Variants in UPP2 observed in about 807,000 individuals in gnomAD.
UPP2 encodes UPase 2.
UPP2 carries 23 observed loss-of-function variants against 26.7 expected under a neutral mutation model. The observed-to-expected ratio is 0.86, with a 90% CI of 0.62 to 1.22. The LOEUF (loss-of-function observed/expected upper bound fraction) is 1.22. Among genes scored for constraint, UPP2 ranks in the 50% most tolerant of loss-of-function variants. The pLI is 0.00. For missense variants in UPP2, 387 were observed against 396.7 expected (o/e 0.98, Z 0.21); for synonymous variants, 127 against 141.3 (o/e 0.90, Z 0.72).
intron 3 of UPP2, among the ~76,000 whole-genome samples, chr2:158,063,768 C>G (rs532743695): frequency 9.9e-5 from 15 of 152,160 alleles, no homozygotes; most frequent in Non-Finnish European, 2.2e-4. Flanking sequence ...CCCGACAGGT[C>G]TTGGCGTGTG....
chr2:158,054,193 G>A (rs961571816), intron 3 of UPP2, among the ~76,000 whole-genome samples: 1 of 152,060 alleles, frequency 6.6e-6, no homozygotes, highest in African/African-American at 2.4e-5. Context: ...ACCTGGGGGA[G>A]GTTGCAATGA....
chr2:158,104,702 G>C (rs1020832598), intron 1 of UPP2, among the ~76,000 whole-genome samples: 3 of 151,882 alleles, frequency 2.0e-5, no homozygotes, highest in Non-Finnish European at 4.4e-5. Context: ...TGGGTGGATC[G>C]CTTGAGGTCA....
chr2:158,042,774 G>T (rs1684098859), intron 3 of UPP2, among the ~76,000 whole-genome samples: 1 of 152,164 alleles, frequency 6.6e-6, no homozygotes, highest in Admixed American at 6.5e-5. Context: ...GGTGGCAGAG[G>T]GGAAGCAGAG....
intron 3 of UPP2, among the ~76,000 whole-genome samples, chr2:158,029,503 G>A (rs1250060799): frequency 6.6e-6 from 1 of 152,166 alleles, no homozygotes; most frequent in East Asian, 1.9e-4. Context: ...TATGGTGAAT[G>A]CCTTGACAAG....
intron 3 of UPP2, among the ~76,000 whole-genome samples, chr2:158,047,420 C>T (rs1180488980): frequency 6.6e-6 from 1 of 152,196 alleles, no homozygotes; most frequent in Non-Finnish European, 1.5e-5. Flanking sequence ...TGAGTTTAAA[C>T]CTGCCTTTTT....
At chr2:158,017,014 A>G (rs946897746) in intron 3 of UPP2, among the ~76,000 whole-genome samples, 1 of 152,224 alleles carries the variant, frequency 6.6e-6, no homozygotes, top group African/African-American at 2.4e-5. Flanking sequence ...GTAATAAATA[A>G]AAGGAATGGG....
At chr2:158,011,088 G>A (rs1040317986) in intron 2 of UPP2, among the ~76,000 whole-genome samples, 1 of 152,078 alleles carries the variant, frequency 6.6e-6, no homozygotes, top group African/African-American at 2.4e-5. Context: ...TCTTAATAAA[G>A]CTTCTGATCT....
intron 3 of UPP2, among the ~76,000 whole-genome samples, chr2:158,041,496 ACT>A (rs1684081039): frequency 6.6e-6 from 1 of 152,094 alleles, no homozygotes; most frequent in Non-Finnish European, 1.5e-5. Flanking sequence ...TATTCAGATC[ACT>A]CTCTTTTGAA....
At chr2:158,128,344 G>T (rs911713878) in intron 6 of UPP2, among the ~76,000 whole-genome samples, 3 of 152,192 alleles carry the variant, frequency 2.0e-5, no homozygotes, top group East Asian at 3.9e-4. Flanking sequence ...TCCCAACAAT[G>T]AAGGATATTG....
At chr2:158,023,230 T>TGTGG (rs1553463650) in intron 3 of UPP2, among the ~76,000 whole-genome samples, 12 of 83,754 alleles carry the variant, frequency 1.4e-4, no homozygotes, top group Non-Finnish European at 2.7e-4. Context: ...TGCTGTCAGT[T>TGTGG]GGGGGGGGGC....
At chr2:158,131,303 C>T (rs1342438235) in intron 6 of UPP2, among the ~76,000 whole-genome samples, 1 of 152,122 alleles carries the variant, frequency 6.6e-6, no homozygotes, top group East Asian at 1.9e-4. Context: ...TGTGCCCAGC[C>T]CTGCTATCTT....
At chr2:158,132,818 C>T (rs1022203295) in intron 6 of UPP2, among the ~76,000 whole-genome samples, 7 of 151,938 alleles carry the variant, frequency 4.6e-5, no homozygotes, top group East Asian at 1.9e-4. Flanking sequence ...AAAACAATGG[C>T]GAGGTGTCGC....
chr2:158,106,175 A>G lies in UPP2; in HGVS notation c.139A>G (p.Thr47Ala), dbSNP rs550400219. The change falls in exon 2 of 7, where the codon ACA becomes GCA. Residue 47 changes from threonine to alanine, a missense_variant. Thr to Ala is a moderately conservative substitution (Grantham distance 58). Transcript: ENST00000005756. ...EDILYHLDLG[T>A]KTHNLPAMFG... ...CATTCTCTATCACTTGGATTTGGGA[A>G]CAAAAACACACAACCTACCAGCAAT... is the stretch of plus-strand genomic sequence containing the variant. 2 of 1,612,972 alleles carry G rather than the reference A, an allele frequency of 1.2e-6. No homozygotes were observed. Among genetic ancestry groups the G allele is most frequent in the Admixed American group, 3.3e-5 (2 of 59,816 alleles).
At chr2:158,024,736 T>G (rs1377998465) in intron 3 of UPP2, among the ~76,000 whole-genome samples, 2 of 152,160 alleles carry the variant, frequency 1.3e-5, no homozygotes, top group Non-Finnish European at 2.9e-5. Context: ...AAAAATCTGT[T>G]TGAGAAAAAG....
intron 2 of UPP2, among the ~76,000 whole-genome samples, chr2:158,000,190 C>T (rs57093404): frequency 6.6e-6 from 1 of 151,726 alleles, no homozygotes; most frequent in African/African-American, 2.4e-5. Context: ...TCAAGTGATT[C>T]TCCTGCCTCT....
At chr2:158,095,975 T>C (rs1682979075) in intron 3 of UPP2, among the ~76,000 whole-genome samples, 1 of 152,140 alleles carries the variant, frequency 6.6e-6, no homozygotes, top group Non-Finnish European at 1.5e-5. Context: ...TTCTCAAACA[T>C]CATTAAGAAC....
chr2:158,113,200 A>T (rs1683355710), intron 2 of UPP2, among the ~76,000 whole-genome samples: 1 of 152,246 alleles, frequency 6.6e-6, no homozygotes, highest in African/African-American at 2.4e-5. Context: ...TCAAAGGAGA[A>T]TTCAAACCAC....
At position 158,077,482 on chromosome 2, in the gene UPP2, T is replaced by C. The variant is rs1244458824; in HGVS notation, c.148-24558T>C. ...GGAACAGAATAAAGAACCCAGAAAC[T>C]AATCCATACACTTACAGTGAACTCA... On this transcript the variant is annotated intron_variant, in intron 3 of 9. Coordinates refer to the UPP2 transcript ENST00000605860. Among the ~76,000 whole-genome samples, 4 of 151,826 alleles carry C rather than the reference T, an allele frequency of 2.6e-5. No individual in the cohort carries two copies. The East Asian group carries it at 7.7e-4, about 29-fold the overall frequency.
chr2:158,011,455 G>A (rs114512380), intron 2 of UPP2, among the ~76,000 whole-genome samples: 1,578 of 152,158 alleles, frequency 0.01, 28 homozygotes, highest in African/African-American at 0.036. Context: ...GAGAGAAGGA[G>A]CCCTCCTTTC....
Sources: allele counts gnomAD v4.1 joint callset (sites outside exome capture counted in the v4.1 genomes callset), GRCh38; gene constraint gnomAD v4.1.1; transcripts MANE v1.5; gene names NCBI Gene and HGNC (gene_info 2026-07-23, HGNC 2026-07-21).